Variants in MAML3 observed in about 807,000 individuals in gnomAD.
The protein encoded by MAML3 is mastermind like transcriptional coactivator 3.
In MAML3, 27 loss-of-function variants were observed where a neutral mutation model predicts 101.9. The observed-to-expected ratio is 0.27, with a 90% CI of 0.20 to 0.37. The LOEUF is 0.37. Among genes scored for constraint, MAML3 ranks in the 10% least tolerant of loss-of-function variants. The probability of loss-of-function intolerance (pLI) is 1.00; values close to 1 mark genes in which losing one functional copy is unlikely to be tolerated. For missense variants in MAML3, 1,316 were observed against 1,444.9 expected, an observed-to-expected ratio of 0.91 and a Z score of 1.45; for synonymous variants, 501 against 555.9, an observed-to-expected ratio of 0.90 and a Z score of 1.39.
intron 2 of MAML3, among the ~76,000 whole-genome samples, chr4:139,850,405 C>T (rs1731527602): frequency 1.3e-5 from 2 of 152,180 alleles, no homozygotes; most frequent in Admixed American, 1.3e-4. Flanking sequence ...TTGGTTAGTG[C>T]CCCTTTTCAC....
chr4:139,971,378 C>T (rs571783760), intron 1 of MAML3, among the ~76,000 whole-genome samples: 3 of 152,354 alleles, frequency 2.0e-5, no homozygotes, highest in East Asian at 3.9e-4. Context: ...CAACTTCCCT[C>T]AAATTCTTGG....
At chr4:140,038,266 AC>A (rs1471905089) in intron 1 of MAML3, among the ~76,000 whole-genome samples, 1 of 152,192 alleles carries the variant, frequency 6.6e-6, no homozygotes, top group Non-Finnish European at 1.5e-5. Flanking sequence ...TTGATCTCAC[AC>A]CTGCATTTTA....
At chr4:139,865,492 TTTTG>T (rs1347092345) in intron 2 of MAML3, among the ~76,000 whole-genome samples, 2 of 107,128 alleles carry the variant, frequency 1.9e-5, no homozygotes, top group Non-Finnish European at 3.5e-5. Flanking sequence ...AAGGTTTTTT[TTTTG>T]TTTTTTTTTT....
At chr4:140,134,433 A>G (rs1471997724) in intron 1 of MAML3, 2 of 456,096 alleles carry the variant, frequency 4.4e-6, no homozygotes, top group Non-Finnish European at 8.8e-6. Context: ...TGAATGCTAC[A>G]GCAAGTGCAT....
At chr4:140,105,754 G>A (rs544271032) in intron 1 of MAML3, among the ~76,000 whole-genome samples, 3 of 152,232 alleles carry the variant, frequency 2.0e-5, no homozygotes, top group South Asian at 4.1e-4. Context: ...CCCCAGTCTG[G>A]TCAATACACC....
chr4:139,736,818 G>A (rs1728965754), intron 2 of MAML3, among the ~76,000 whole-genome samples: 1 of 152,142 alleles, frequency 6.6e-6, no homozygotes, highest in Admixed American at 6.5e-5. Context: ...GAGAATCATT[G>A]GGGCAAATAA....
chr4:140,063,124 T>G (rs1727473931), intron 1 of MAML3, among the ~76,000 whole-genome samples: 1 of 152,174 alleles, frequency 6.6e-6, no homozygotes, highest in South Asian at 2.1e-4. Flanking sequence ...TTGAGTAATC[T>G]GCTTAAGACC....
At chr4:140,024,246 G>C (rs1417145603) in intron 1 of MAML3, among the ~76,000 whole-genome samples, 3 of 147,424 alleles carry the variant, frequency 2.0e-5, no homozygotes, top group Non-Finnish European at 4.5e-5. Context: ...TTTTTTTTTA[G>C]AGACAGTGTC....
chr4:139,772,402 C>T (rs569433307), intron 2 of MAML3, among the ~76,000 whole-genome samples: 3 of 150,948 alleles, frequency 2.0e-5, no homozygotes, highest in East Asian at 2.0e-4. Flanking sequence ...AGTGCAGTGG[C>T]GCGATCTCGG....
chr4:140,151,636 G>A (rs1729169715), intron 1 of MAML3, among the ~76,000 whole-genome samples: 1 of 150,962 alleles, frequency 6.6e-6, no homozygotes, highest in Admixed American at 6.6e-5. Context: ...CGCGGCCCCG[G>A]CACGCTCCAG....
chr4:139,873,094 A>T (rs1007784612), intron 2 of MAML3, among the ~76,000 whole-genome samples: 1 of 151,642 alleles, frequency 6.6e-6, no homozygotes, highest in African/African-American at 2.4e-5. Context: ...AAAATAAATA[A>T]ATAAATAAAT....
intron 2 of MAML3, among the ~76,000 whole-genome samples, chr4:139,784,031 A>G (rs1324834164): frequency 6.6e-6 from 1 of 152,262 alleles, no homozygotes; most frequent in Non-Finnish European, 1.5e-5. Flanking sequence ...AGCCACAGAT[A>G]TTAAAATGCA....
chr4:140,041,413 C>T (rs1053778453), intron 1 of MAML3, among the ~76,000 whole-genome samples: 3 of 152,060 alleles, frequency 2.0e-5, no homozygotes, highest in Non-Finnish European at 4.4e-5. Flanking sequence ...TGCTTGAGGT[C>T]AGGAGTTTGA....
chr4:139,933,719 A>G (rs1389802700), intron 1 of MAML3, among the ~76,000 whole-genome samples: 1 of 152,104 alleles, frequency 6.6e-6, no homozygotes, highest in Non-Finnish European at 1.5e-5. Flanking sequence ...TATTAATCCA[A>G]TTTGGCCAAT....
chr4:139,766,272 A>G (rs1273291200), intron 2 of MAML3, among the ~76,000 whole-genome samples: 1 of 152,036 alleles, frequency 6.6e-6, no homozygotes, highest in African/African-American at 2.4e-5. Flanking sequence ...CCTGGGTTCA[A>G]GCGATTCTCC....
At chr4:139,864,798 A>C (rs1344142691) in intron 2 of MAML3, among the ~76,000 whole-genome samples, 6 of 151,464 alleles carry the variant, frequency 4.0e-5, no homozygotes, top group Non-Finnish European at 8.8e-5. Context: ...TGGGAGCAAG[A>C]GGGACAATGT....
At chr4:139,772,197 G>A (rs546848832) in intron 2 of MAML3, among the ~76,000 whole-genome samples, 5 of 114,948 alleles carry the variant, frequency 4.3e-5, no homozygotes, top group Admixed American at 1.1e-4. Context: ...CCGAGATCGC[G>A]CCACTGCACT....
At chr4:139,798,394 C>T (rs1730553716) in intron 2 of MAML3, among the ~76,000 whole-genome samples, 1 of 152,218 alleles carries the variant, frequency 6.6e-6, no homozygotes. Flanking sequence ...TCATCTCTGA[C>T]ATTCTATCCA....
intron 1 of MAML3, among the ~76,000 whole-genome samples, chr4:140,070,897 G>T (rs1384489747): frequency 6.6e-6 from 1 of 152,314 alleles, no homozygotes; most frequent in South Asian, 2.1e-4. Flanking sequence ...TCTCCAGAGG[G>T]GAACCTCCTC....
Sources: allele counts gnomAD v4.1 joint callset (sites outside exome capture counted in the v4.1 genomes callset), GRCh38; gene constraint gnomAD v4.1.1; transcripts MANE v1.5; gene names NCBI Gene and HGNC (gene_info 2026-07-23, HGNC 2026-07-21).